Variants in ARHGEF3 observed in about 807,000 individuals in gnomAD.
ARHGEF3 encodes Rho guanine nucleotide exchange factor 3, also known as 59.8 kDA protein.
Under a neutral mutation model 63.2 loss-of-function variants are expected in ARHGEF3, and 28 were observed. That is an observed-to-expected ratio of 0.44 (90% CI 0.33 to 0.61). The LOEUF (loss-of-function observed/expected upper bound fraction) is 0.61. Among genes scored for constraint, ARHGEF3 ranks in the 20% least tolerant of loss-of-function variants. The pLI, the probability that ARHGEF3 is intolerant of heterozygous loss-of-function variation, is 0.03. For synonymous variants in ARHGEF3, 266 were observed against 254.2 expected (o/e 1.05, Z -0.44); for missense variants, 533 against 659.3 (o/e 0.81, Z 2.10).
chr3:56,872,112 A>ACTATATTTCAACAT (rs2040448988), intron 4 of ARHGEF3, among the ~76,000 whole-genome samples: 1 of 152,208 alleles, frequency 6.6e-6, no homozygotes, highest in Non-Finnish European at 1.5e-5. Context: ...TATTTTTATA[A>ACTATATTTCAACAT]CTATATTTCA....
intron 2 of ARHGEF3, among the ~76,000 whole-genome samples, chr3:56,981,064 C>T (rs562197217): frequency 1.3e-5 from 2 of 152,364 alleles, no homozygotes; most frequent in South Asian, 4.1e-4. Context: ...AAAGTCACAT[C>T]AGCAGAGTCG....
At chr3:57,045,815 T>C (rs558870782) in intron 1 of ARHGEF3, among the ~76,000 whole-genome samples, 1 of 152,288 alleles carries the variant, frequency 6.6e-6, no homozygotes, top group Admixed American at 6.5e-5. Flanking sequence ...TTTTTCTAAT[T>C]GAGGTTAAAA....
intron 1 of ARHGEF3, among the ~76,000 whole-genome samples, chr3:57,062,988 T>C (rs780960068): frequency 6.6e-6 from 1 of 152,022 alleles, no homozygotes; most frequent in African/African-American, 2.4e-5. Flanking sequence ...AAATACACCT[T>C]ATATTGGATA....
chr3:56,828,587 T>C (rs189048467), intron 4 of ARHGEF3, among the ~76,000 whole-genome samples: 12 of 152,280 alleles, frequency 7.9e-5, no homozygotes, highest in East Asian at 7.7e-4. Flanking sequence ...TTCATTATAC[T>C]ATATCAACCT....
chr3:56,866,353 T>C (rs1344196250), intron 4 of ARHGEF3, among the ~76,000 whole-genome samples: 2 of 152,178 alleles, frequency 1.3e-5, no homozygotes, highest in Admixed American at 1.3e-4. Context: ...TAAAACAAGC[T>C]AAACACACAG....
chr3:57,022,087 C>T (rs770192945), intron 2 of ARHGEF3, among the ~76,000 whole-genome samples: 33 of 151,964 alleles, frequency 2.2e-4, no homozygotes, highest in Non-Finnish European at 3.7e-4. Context: ...CCTGGGTAAC[C>T]CAATGAGACC....
intron 1 of ARHGEF3, among the ~76,000 whole-genome samples, chr3:56,783,253 G>T (rs1485215258): frequency 6.6e-6 from 1 of 151,970 alleles, no homozygotes; most frequent in Non-Finnish European, 1.5e-5. Flanking sequence ...ATTTCCTCCT[G>T]GCCTCCCCTG....
chr3:56,891,094 G>A (rs779688596), intron 3 of ARHGEF3, among the ~76,000 whole-genome samples: 21 of 151,542 alleles, frequency 1.4e-4, no homozygotes, highest in Non-Finnish European at 3.1e-4. Context: ...GCAGGGAGAG[G>A]ATCCACATTT....
chr3:56,986,822 A>G (rs962733377), intron 2 of ARHGEF3, among the ~76,000 whole-genome samples: 1 of 149,612 alleles, frequency 6.7e-6, no homozygotes, highest in Non-Finnish European at 1.5e-5. Context: ...AAAAAAAAAG[A>G]TAAAAATAAA....
At chr3:56,885,169 C>A (rs2040881154) in intron 3 of ARHGEF3, among the ~76,000 whole-genome samples, 1 of 152,178 alleles carries the variant, frequency 6.6e-6, no homozygotes, top group Non-Finnish European at 1.5e-5. Context: ...GCATGGGCGT[C>A]CTGCTGCCTA....
intron 2 of ARHGEF3, among the ~76,000 whole-genome samples, chr3:56,967,217 G>A (rs1294353856): frequency 7.3e-6 from 1 of 137,370 alleles, no homozygotes; most frequent in Non-Finnish European, 1.5e-5. Context: ...AACCACATAT[G>A]TAATTTAAGT....
intron 4 of ARHGEF3, among the ~76,000 whole-genome samples, chr3:56,866,927 C>G (rs1279940012): frequency 6.6e-6 from 1 of 152,242 alleles, no homozygotes; most frequent in African/African-American, 2.4e-5. Context: ...CTGGTGTTAA[C>G]AATTCCACAT....
intron 4 of ARHGEF3, among the ~76,000 whole-genome samples, chr3:56,868,516 C>G (rs889533854): frequency 1.6e-4 from 25 of 152,034 alleles, no homozygotes; most frequent in African/African-American, 6.0e-4. Flanking sequence ...GCGTGTGCCA[C>G]CACATCCGGC....
intron 1 of ARHGEF3, among the ~76,000 whole-genome samples, chr3:57,067,778 G>C (rs1427213308): frequency 6.7e-6 from 1 of 150,274 alleles, no homozygotes; most frequent in Non-Finnish European, 1.5e-5. Context: ...TCAGGAGATC[G>C]AGACCATTGG....
At chr3:56,996,553 T>C (rs1470755150) in intron 2 of ARHGEF3, among the ~76,000 whole-genome samples, 1 of 152,174 alleles carries the variant, frequency 6.6e-6, no homozygotes, top group Non-Finnish European at 1.5e-5. Flanking sequence ...GAAGGCACCA[T>C]CTATGAACGA....
intron 2 of ARHGEF3, among the ~76,000 whole-genome samples, chr3:56,959,949 C>T (rs905176006): frequency 6.6e-6 from 1 of 152,194 alleles, no homozygotes; most frequent in South Asian, 2.1e-4. Flanking sequence ...CTGCACTCAG[C>T]CTGGGTGACA....
rs958672228 is a variant in ARHGEF3, at chr3:56,801,924, G to T, written c.-126C>A. 1 of 1,540,558 alleles carries T rather than the reference G, an allele frequency of 6.5e-7. No homozygotes were observed. The highest frequency in any genetic ancestry group is 1.4e-5 in the African/African-American group (1 of 73,092). ...GGCGGCGACACGGAGACCGACAGCC[G>T]GCTTCTAGCCGGGCAGGACTCGACT... is the stretch of plus-strand genomic sequence containing the variant. On this transcript the variant is annotated 5_prime_UTR_variant, in exon 1 of 10. Coordinates refer to ENST00000296315, the MANE Select transcript of ARHGEF3 (RefSeq NM_019555.3).
At chr3:56,827,626 G>A (rs748983426) in intron 4 of ARHGEF3, among the ~76,000 whole-genome samples, 9 of 151,564 alleles carry the variant, frequency 5.9e-5, no homozygotes, top group South Asian at 2.1e-4. Flanking sequence ...AATTAAGAGC[G>A]TACCCTGGCC....
At chr3:56,858,159 G>A (rs554730377) in intron 4 of ARHGEF3, among the ~76,000 whole-genome samples, 6 of 147,668 alleles carry the variant, frequency 4.1e-5, no homozygotes, top group Middle Eastern at 3.6e-3. Context: ...CAGGAGGATC[G>A]CTTGAGCCTG....
Sources: gnomAD v4.1 joint callset for allele counts (sites outside exome capture counted in the v4.1 genomes callset) on GRCh38, gnomAD v4.1.1 for gene constraint, MANE v1.5 for transcripts, NCBI Gene and HGNC (gene_info 2026-07-23, HGNC 2026-07-21) for gene names.